Variants in GTPBP4 observed in about 807,000 individuals in gnomAD.
GTPBP4 encodes the protein GTP-binding protein 4.
A neutral mutation model predicts 81.7 loss-of-function variants in GTPBP4; 15 were observed. The observed-to-expected ratio is 0.18, with a 90% CI of 0.12 to 0.28. The LOEUF is 0.28. Ranked by LOEUF, GTPBP4 falls within the 10% of genes least tolerant of loss-of-function variation. GTPBP4 has a pLI of 1.00. For missense variants in GTPBP4, 847 were observed against 793.8 expected, an observed-to-expected ratio of 1.07 and a Z score of -0.81; for synonymous variants, 272 against 274.6, an observed-to-expected ratio of 0.99 and a Z score of 0.09.
chr10:992,050 C>T (rs1469675891), intron 1 of GTPBP4, among the ~76,000 whole-genome samples: 3 of 150,226 alleles, frequency 2.0e-5, no homozygotes, highest in Non-Finnish European at 4.4e-5. Context: ...GTACATGAAA[C>T]GTTTAGTAAA....
In GTPBP4 at chr10:991,887, G is replaced by A. The variant is rs1468723810; in HGVS notation, c.49-602G>A. 2.7e-5 allele frequency among the ~76,000 whole-genome samples: 4 copies of A among 146,738 alleles called. No homozygotes were observed. In the South Asian group the frequency reaches 8.7e-4, roughly 32 times the overall value. ...ATTTTTTGTATTTTTAGTAGAGACG[G>A]GGTTTCACCGTGTTAGCCAGGATGG... On this transcript the variant is annotated intron_variant, in intron 1 of 16. Coordinates refer to ENST00000360803, the MANE Select transcript of GTPBP4 (RefSeq NM_012341.3).
At chr10:996,668 G>C (rs991642414) in intron 4 of GTPBP4, 2 of 156,742 alleles carry the variant, frequency 1.3e-5, no homozygotes, top group Admixed American at 1.3e-4. Flanking sequence ...TGACTCATTC[G>C]GTTTTGTTTT....
chr10:1,012,287 C>A (rs2132173210), intron 13 of GTPBP4, 178 bp from the exon 14 acceptor site: 2 of 478,056 alleles, frequency 4.2e-6, no homozygotes, highest in East Asian at 3.5e-5. Flanking sequence ...CCATTTTCTT[C>A]ACAGAACCCT....
chr10:1,006,410 G>A (rs553673514), intron 9 of GTPBP4, among the ~76,000 whole-genome samples: 10 of 152,272 alleles, frequency 6.6e-5, no homozygotes, highest in Non-Finnish European at 1.3e-4. Context: ...AGGCTGAGGC[G>A]GGTAGATCAC....
rs992648965 is a variant in GTPBP4 at position 1,010,486 on chromosome 10, A to G, written c.1310A>G (p.Asn437Ser). Residue 437 changes from asparagine (N) to serine (S), a missense_variant, in exon 13 of 17, where the codon AAT becomes AGT. By Grantham distance (46) the Asn-to-Ser change is conservative. Transcript: ENST00000360803. Reference sequence around the variant, plus strand: ...ATACCAGAAATCTGGGAAGGCCATAATATAGCTGATTATATTGATCCAGCC... The same window carrying G: ...ATACCAGAAATCTGGGAAGGCCATAGTATAGCTGATTATATTGATCCAGCC... Reference protein sequence around the residue: ...DKIPEIWEGHNIADYIDPAIM... With the variant: ...DKIPEIWEGHSIADYIDPAIM... The G allele has an allele frequency of 8.3e-6, 13 of 1,569,082 alleles. No homozygotes were observed. The highest frequency in any genetic ancestry group is 1.1e-5 in the Non-Finnish European group (13 of 1,139,018).
rs560139255 is a variant in GTPBP4, at chr10:988,932, CCT to C, written c.48+409_48+410del. ...TTCTGGGTTTGGCGTAGCCCCCTCC[CCT>C]CTCAGGAATCCTGGGTTCGTTGTTC... On this transcript the variant is annotated intron_variant, in intron 1 of 16. Transcript: ENST00000360803. The C allele has an allele frequency of 3.3e-3, 623 of 187,640 alleles. 3 individuals carry two copies. The highest frequency in any genetic ancestry group is 4.1e-3 in the Non-Finnish European group (373 of 90,982). The allele number at this position is 187,640 out of a possible 1,614,324, so 11.6% of individuals were successfully genotyped here. A position where few individuals can be genotyped will look rare whatever the true frequency, so the allele number is the denominator to read the frequency against.
Position 1,019,348 on chromosome 10 carries a change from A to G in GTPBP4, c.*2121A>G, listed in dbSNP as rs997958281. The stretch of plus-strand genomic sequence containing the variant: ...GAAATATGGAAATAAGGAAAAGGGA[A>G]AATGAAGATATGACAAAGTTGATGA... On this transcript the variant is annotated 3_prime_UTR_variant, in exon 17 of 17. Transcript: ENST00000360803. 1.8e-6 allele frequency: 1 copy of G among 565,182 alleles called. No individual in the cohort carries two copies. The highest frequency in any genetic ancestry group is 2.5e-5 in the South Asian group (1 of 39,842). 35.0% of individuals were successfully genotyped at this position (565,182 alleles called of 1,614,324 possible).
chr10:1,009,098 G>C, intron 11 of GTPBP4, 63 bp downstream of exon 11: 1 of 1,261,008 alleles, frequency 7.9e-7, no homozygotes, highest in Non-Finnish European at 1.2e-6. Flanking sequence ...TGTGCCCATC[G>C]TGGGGGCCTG....
intron 4 of GTPBP4, 61 bp downstream of exon 4, chr10:996,303 T>A: frequency 6.9e-7 from 1 of 1,447,724 alleles, no homozygotes. Flanking sequence ...GCGTCCTTGT[T>A]GAGGACTTGA....
At chr10:989,995 C>T (rs531551146) in intron 1 of GTPBP4, among the ~76,000 whole-genome samples, 2 of 152,300 alleles carry the variant, frequency 1.3e-5, no homozygotes, top group East Asian at 3.9e-4. Context: ...CCTCAGCCTC[C>T]CAAAGTGTTA....
chr10:1,009,713 A>G (rs1831814309), intron 12 of GTPBP4, 133 bp downstream of exon 12: 1 of 687,990 alleles, frequency 1.5e-6, no homozygotes, highest in South Asian at 1.6e-5. Flanking sequence ...CTTGAAGATT[A>G]AAAGTTGCAT....
Position 1,017,274 on chromosome 10 carries a change from C to T in GTPBP4, c.*47C>T, listed in dbSNP as rs971356237. 16 of 1,555,340 alleles carry T rather than the reference C, an allele frequency of 1.0e-5. No individual in the cohort carries two copies. The African/African-American group carries it at 1.8e-4, about 17-fold the overall frequency. ...TTCGCTAGAGTGTTGCTGTTTATTT[C>T]CTGGTTTGGCACAGTATGGTTTCAT... On this transcript the variant is annotated 3_prime_UTR_variant, in exon 17 of 17. Transcript: ENST00000360803.
chr10:1,013,299 T>C (rs1353897203), intron 14 of GTPBP4, among the ~76,000 whole-genome samples: 1 of 151,492 alleles, frequency 6.6e-6, no homozygotes, highest in African/African-American at 2.4e-5. Context: ...TCTTGTTCTT[T>C]AATTTCTGCA....
intron 10 of GTPBP4, chr10:1,008,288 C>G (rs956495769): frequency 2.6e-6 from 1 of 381,868 alleles, no homozygotes; most frequent in Non-Finnish European, 5.1e-6. Context: ...ACCTATAATT[C>G]TACCTATTCA....
intron 1 of GTPBP4, chr10:988,729 C>T (rs1444339517): frequency 3.4e-6 from 2 of 589,158 alleles, no homozygotes; most frequent in South Asian, 2.0e-5. Flanking sequence ...ATCGGATCCC[C>T]CAGAGACCGG....
At position 1,005,820 on chromosome 10, in the gene GTPBP4, A is replaced by G. The variant is rs761613446; in HGVS notation, c.915A>G (p.Lys305=). Residue 305 remains lysine, a splice_region_variant and synonymous_variant, in exon 9 of 17, where the codon AAA becomes AAG. Transcript: ENST00000360803. ...TCGTTTTTTCTTTGCATTCCCAGAA[A>G]ATATTTACAGATTTGCAGTCTGAAG... ...RIAELSEDDQ[K]IFTDLQSEGF... 2.6e-6 allele frequency: 4 copies of G among 1,565,732 alleles called. No individual in the cohort carries two copies. The highest frequency in any genetic ancestry group is 3.5e-6 in the Non-Finnish European group (4 of 1,136,186).
chr10:991,454 A>G (rs902428236), intron 1 of GTPBP4, among the ~76,000 whole-genome samples: 1 of 152,180 alleles, frequency 6.6e-6, no homozygotes, highest in African/African-American at 2.4e-5. Flanking sequence ...AAAATCCTTC[A>G]TCTCCTCAAA....
chr10:1,017,070 TTTA>T lies in GTPBP4; in HGVS notation c.1753-4_1753-2del. On this transcript the variant is annotated splice_acceptor_variant and splice_polypyrimidine_tract_variant and intron_variant, in intron 16 of 16. Coordinates refer to ENST00000360803, the MANE Select transcript of GTPBP4 (RefSeq NM_012341.3). LOFTEE classifies it high-confidence loss of function. ...ACATACTTTATTTTTTTCTCCTCCT[TTTA>T]GATGGTGAAGAAAGCCAAGACTATG... The T allele has an allele frequency of 6.2e-7, 1 of 1,607,872 alleles. No individual in the cohort carries two copies. The highest frequency in any genetic ancestry group is 8.5e-7 in the Non-Finnish European group (1 of 1,177,422).
chr10:991,583 C>T (rs1366529596), intron 1 of GTPBP4, among the ~76,000 whole-genome samples: 1 of 151,678 alleles, frequency 6.6e-6, no homozygotes, highest in Non-Finnish European at 1.5e-5. Context: ...TTCTTTTTCT[C>T]AACTATTCTA....
Sources: allele counts gnomAD v4.1 joint callset (sites outside exome capture counted in the v4.1 genomes callset), GRCh38; gene constraint gnomAD v4.1.1; transcripts MANE v1.5; gene names NCBI Gene and HGNC (gene_info 2026-07-23, HGNC 2026-07-21).